The following DSCAML1 variants were observed in gnomAD, a reference collection of about 807,000 sequenced individuals.
DSCAML1 encodes DS cell adhesion molecule like 1.
In DSCAML1, 38 loss-of-function variants were observed where a neutral mutation model predicts 200.5. The ratio of observed to expected loss-of-function variants is 0.19; its 90% CI spans 0.15 to 0.25. The LOEUF is 0.25. DSCAML1 is among the 10% of genes least tolerant of loss of function. The pLI, the probability that DSCAML1 is intolerant of heterozygous loss-of-function variation, is 1.00. For missense variants in DSCAML1, 2,223 were observed against 2,858.8 expected, an observed-to-expected ratio of 0.78 and a Z score of 5.07; for synonymous variants, 1,215 against 1,165.0, an observed-to-expected ratio of 1.04 and a Z score of -0.87.
At chr11:117,607,780 G>T (rs991974066) in intron 3 of DSCAML1, among the ~76,000 whole-genome samples, 2 of 152,224 alleles carry the variant, frequency 1.3e-5, no homozygotes, top group Non-Finnish European at 2.9e-5. Flanking sequence ...GGAACCAGAG[G>T]GGCCTGTTCC....
intron 3 of DSCAML1, among the ~76,000 whole-genome samples, chr11:117,738,987 G>A (rs1565903882): frequency 6.6e-6 from 1 of 152,212 alleles, no homozygotes; most frequent in Non-Finnish European, 1.5e-5. Flanking sequence ...CTACCCCAGA[G>A]AAGAAATTAC....
intron 1 of DSCAML1, among the ~76,000 whole-genome samples, chr11:117,793,489 G>C (rs1383595085): frequency 1.3e-5 from 2 of 152,254 alleles, no homozygotes; most frequent in East Asian, 3.9e-4. Flanking sequence ...GTGGCAAGTG[G>C]CAAGGATGTG....
chr11:117,510,809 CCT>C (rs1162248019), intron 8 of DSCAML1, among the ~76,000 whole-genome samples: 1 of 152,176 alleles, frequency 6.6e-6, no homozygotes, highest in African/African-American at 2.4e-5. Flanking sequence ...CGTCATGAGC[CCT>C]GTCTGTCCCA....
chr11:117,794,355 A>G (rs2055533494), intron 1 of DSCAML1, among the ~76,000 whole-genome samples: 1 of 152,178 alleles, frequency 6.6e-6, no homozygotes, highest in South Asian at 2.1e-4. Flanking sequence ...TGTTTTGGCA[A>G]TAATAAGGCA....
intron 3 of DSCAML1, chr11:117,611,252 A>G (rs2051685728): frequency 6.6e-6 from 1 of 152,080 alleles, no homozygotes; most frequent in Non-Finnish European, 1.5e-5. Flanking sequence ...TATCCTGCAG[A>G]TCCCAGCCCA....
Position 117,636,139 on chromosome 11 carries a change from G to A in DSCAML1, c.512-103617C>T, listed in dbSNP as rs371569116. Reference sequence around the variant, plus strand: ...GCTGGTGAGGCGGGGGTTAGAAATAGGGAAGGTTCGTAAGATAAATGATGG... The same window carrying A: ...GCTGGTGAGGCGGGGGTTAGAAATAAGGAAGGTTCGTAAGATAAATGATGG... On this transcript the variant is annotated intron_variant, in intron 3 of 32. Transcript: ENST00000651296. Among the ~76,000 whole-genome samples the A allele has an allele frequency of 4.6e-5, 7 of 152,286 alleles. No individual in the cohort carries two copies. In the South Asian group the frequency reaches 1.5e-3, roughly 32 times the overall value.
Position 117,431,734 on chromosome 11 carries a change from C to T in DSCAML1, c.5180-6G>A. The T allele has an allele frequency of 6.6e-7, 1 of 1,522,072 alleles. No homozygotes were observed. Among genetic ancestry groups the T allele is most frequent in the Non-Finnish European group, 8.9e-7 (1 of 1,128,338 alleles). 94.3% of individuals were successfully genotyped at this position (1,522,072 alleles called of 1,614,324 possible). On this transcript the variant is annotated splice_region_variant and splice_polypyrimidine_tract_variant and intron_variant, in intron 30 of 32. Coordinates refer to ENST00000651296, the MANE Select transcript of DSCAML1 (RefSeq NM_020693.4). Reference sequence around the variant, plus strand: ...ATTCTTCCTGGACACTGGATCTGCACAGACAGAAGCAAGAAATTGCATCCT... The same window carrying T: ...ATTCTTCCTGGACACTGGATCTGCATAGACAGAAGCAAGAAATTGCATCCT...
At chr11:117,684,434 C>CCA (rs2053366688) in intron 3 of DSCAML1, among the ~76,000 whole-genome samples, 1 of 50,296 alleles carries the variant, frequency 2.0e-5, no homozygotes, top group African/African-American at 6.3e-5. Flanking sequence ...ATTTCATTAA[C>CCA]TAAAAAAAAA....
intron 3 of DSCAML1, among the ~76,000 whole-genome samples, chr11:117,708,675 A>C (rs1474477392): frequency 6.6e-6 from 1 of 152,218 alleles, no homozygotes; most frequent in East Asian, 1.9e-4. Flanking sequence ...TCGGGACTCA[A>C]ACTGTCCTGA....
intron 1 of DSCAML1, among the ~76,000 whole-genome samples, chr11:117,785,122 G>C (rs549680833): frequency 5.9e-5 from 9 of 152,164 alleles, no homozygotes; most frequent in Non-Finnish European, 1.2e-4. Context: ...CACCAGCCAC[G>C]CGCTGCACCA....
At chr11:117,798,917 A>ACC (rs1438615938), upstream of DSCAML1, among the ~76,000 whole-genome samples, 2 of 152,160 alleles carry the variant, frequency 1.3e-5, no homozygotes, top group East Asian at 3.9e-4. Context: ...ATGCAAAATC[A>ACC]CCACCCTGAA....
At chr11:117,791,507 G>A (rs2055466644) in intron 1 of DSCAML1, among the ~76,000 whole-genome samples, 1 of 152,196 alleles carries the variant, frequency 6.6e-6, no homozygotes, top group South Asian at 2.1e-4. Flanking sequence ...GCAGATATGA[G>A]ACCAACCTTT....
intron 3 of DSCAML1, among the ~76,000 whole-genome samples, chr11:117,637,041 T>C (rs1333305966): frequency 6.6e-6 from 1 of 152,196 alleles, no homozygotes; most frequent in African/African-American, 2.4e-5. Flanking sequence ...CTCTTGCTCC[T>C]GGCCTTTGCA....
In DSCAML1 at chr11:117,461,589, G is replaced by A. The variant is rs146756262; in HGVS notation, c.3273C>T (p.Ser1091=). 3.1e-4 allele frequency: 504 copies of A among 1,612,342 alleles called. No homozygotes were observed. Among genetic ancestry groups the A allele is most frequent in the Non-Finnish European group, 4.1e-4 (485 of 1,179,970 alleles). The part of the protein sequence containing the change: ...INATTLEDVP[S]QPPENVRALS... ...GGGCCCGGACGTTCTCAGGGGGCTG[G>A]CTGGGCACTGCAGGGGGTAGGGGGA... The change falls in exon 18 of 33, where the codon AGC becomes AGT. Residue 1091 remains serine, a synonymous_variant. Transcript: ENST00000651296.
intron 14 of DSCAML1, among the ~76,000 whole-genome samples, chr11:117,477,509 A>G (rs2048822173): frequency 1.3e-5 from 2 of 151,992 alleles, no homozygotes; most frequent in African/African-American, 4.8e-5. Context: ...ATTCTGCAAA[A>G]AAAAAATTGG....
At chr11:117,813,624 C>T (rs868106762) in intron 1 of DSCAML1, among the ~76,000 whole-genome samples, 21 of 152,248 alleles carry the variant, frequency 1.4e-4, no homozygotes, top group African/African-American at 3.6e-4. Context: ...TTTAGTTTTT[C>T]AATTCATACA....
At chr11:117,567,212 T>A (rs368724900) in intron 3 of DSCAML1, among the ~76,000 whole-genome samples, 1 of 152,210 alleles carries the variant, frequency 6.6e-6, no homozygotes, top group African/African-American at 2.4e-5. Flanking sequence ...AAAAGTGTTC[T>A]TATTTCTCCA....
At chr11:117,483,253 TG>T (rs1470465014) in intron 11 of DSCAML1, among the ~76,000 whole-genome samples, 1 of 152,046 alleles carries the variant, frequency 6.6e-6, no homozygotes, top group South Asian at 2.1e-4. Flanking sequence ...CGTGCCAGGC[TG>T]GGGGGTACGC....
intron 3 of DSCAML1, among the ~76,000 whole-genome samples, chr11:117,716,571 A>G (rs1234190343): frequency 6.6e-6 from 1 of 152,188 alleles, no homozygotes; most frequent in Non-Finnish European, 1.5e-5. Context: ...AGGGTAGTCC[A>G]GGGGAGCTCG....
Sources: allele counts gnomAD v4.1 joint callset (sites outside exome capture counted in the v4.1 genomes callset), GRCh38; gene constraint gnomAD v4.1.1; transcripts MANE v1.5; gene names NCBI Gene and HGNC (gene_info 2026-07-23, HGNC 2026-07-21).